DLGAP1: variants seen among roughly 807,000 people sequenced by gnomAD.
DLGAP1 encodes disks large-associated protein 1.
Under a neutral mutation model 90.8 loss-of-function variants are expected in DLGAP1, and 11 were observed. The ratio of observed to expected loss-of-function variants is 0.12; its 90% CI spans 0.08 to 0.20. The LOEUF is 0.20. DLGAP1 is among the 10% of genes least tolerant of loss of function. The pLI is 1.00. For missense variants in DLGAP1, 1,050 were observed against 1,333.8 expected, an observed-to-expected ratio of 0.79 and a Z score of 3.31; for synonymous variants, 558 against 540.7, an observed-to-expected ratio of 1.03 and a Z score of -0.44.
intron 3 of DLGAP1, among the ~76,000 whole-genome samples, chr18:3,988,886 T>A (rs2073903584): frequency 6.6e-6 from 1 of 152,214 alleles, no homozygotes; most frequent in Middle Eastern, 3.2e-3. Context: ...GTAAATGTGC[T>A]CAGACATTTC....
Position 3,879,082 on chromosome 18 carries a change from C to G in DLGAP1, c.957+30G>C. 1 of 1,475,340 alleles carries G rather than the reference C, an allele frequency of 6.8e-7. No individual in the cohort carries two copies. The highest frequency in any genetic ancestry group is 9.0e-7 in the Non-Finnish European group (1 of 1,112,060). The allele number at this position is 1,475,340 out of a possible 1,614,324, so 91.4% of individuals were successfully genotyped here. A position where few individuals can be genotyped will look rare whatever the true frequency, so the allele number is the denominator to read the frequency against. On this transcript the variant is annotated intron_variant, in intron 4 of 12. Coordinates refer to ENST00000315677, the MANE Select transcript of DLGAP1 (RefSeq NM_004746.4). This position sits in a 1 kb window ranked among gnomAD's most constrained non-coding sequence, Gnocchi z 6.6. ...CACACAAGCATGCCAGGTACTACTT[C>G]TAAGCCTCCATCATTGACAGAAATG... is the stretch of plus-strand genomic sequence containing the variant.
At chr18:3,794,604 G>A (rs1333097785) in intron 5 of DLGAP1, among the ~76,000 whole-genome samples, 1 of 152,222 alleles carries the variant, frequency 6.6e-6, no homozygotes, top group African/African-American at 2.4e-5. Context: ...GGGCTTTTGT[G>A]TGGGACAGGA....
chr18:4,019,173 G>A (rs2074569711), intron 2 of DLGAP1, among the ~76,000 whole-genome samples: 1 of 152,122 alleles, frequency 6.6e-6, no homozygotes, highest in South Asian at 2.1e-4. Flanking sequence ...GTCTGGGCAT[G>A]CTCATCTTGC....
Position 4,406,680 on chromosome 18 carries a change from T to C in DLGAP1, c.-267+48326A>G, listed in dbSNP as rs7228164. ...TTCTCTCTATACACTAGAATTCGAG[T>C]AGGATATTGGGAGTGGTTGTGTCAG... On this transcript the variant is annotated intron_variant, in intron 1 of 12. Coordinates refer to ENST00000315677, the MANE Select transcript of DLGAP1 (RefSeq NM_004746.4). 4.2e-3 allele frequency among the ~76,000 whole-genome samples: 645 copies of C among 152,074 alleles called. 4 individuals carry two copies. The highest frequency in any genetic ancestry group is 0.015 in the African/African-American group (618 of 41,472).
At chr18:3,619,109 C>T (rs2058001934) in intron 7 of DLGAP1, among the ~76,000 whole-genome samples, 1 of 152,112 alleles carries the variant, frequency 6.6e-6, no homozygotes, top group Admixed American at 6.6e-5. Context: ...GAAGAAACCA[C>T]CTTGCTGATA....
rs141678489 is a variant in DLGAP1 at position 3,875,023 on chromosome 18, T to C, written c.957+4089A>G. ...CCTAAATTAAGCGAATTCTAAGTGA[T>C]AATTCCGCAAAGAGAGAAGCAGAGC... On this transcript the variant is annotated intron_variant, in intron 4 of 12. Transcript: ENST00000315677. Among the ~76,000 whole-genome samples the C allele has an allele frequency of 3.4e-3, 524 of 152,342 alleles. 4 individuals are homozygous for C. The highest frequency in any genetic ancestry group is 0.012 in the African/African-American group (488 of 41,588).
At chr18:4,112,292 A>G (rs1418457670) in intron 2 of DLGAP1, among the ~76,000 whole-genome samples, 1 of 151,970 alleles carries the variant, frequency 6.6e-6, no homozygotes, top group African/African-American at 2.4e-5. Context: ...ATAATTTTTT[A>G]TTATTTTAAT....
chr18:3,772,512 T>C (rs961933829), intron 5 of DLGAP1, among the ~76,000 whole-genome samples: 14 of 145,412 alleles, frequency 9.6e-5, no homozygotes, highest in Admixed American at 2.1e-4. Flanking sequence ...GAGCTCCTTG[T>C]GTATTCTTTC....
chr18:3,869,648 T>G (rs939713313), intron 4 of DLGAP1, among the ~76,000 whole-genome samples: 1 of 152,220 alleles, frequency 6.6e-6, no homozygotes, highest in East Asian at 1.9e-4. Flanking sequence ...CAGTGAAATT[T>G]TACACCCACA....
At chr18:3,620,572 T>A (rs1032851367) in intron 7 of DLGAP1, among the ~76,000 whole-genome samples, 3 of 143,392 alleles carry the variant, frequency 2.1e-5, no homozygotes, top group East Asian at 2.1e-4. Flanking sequence ...TATTATTATT[T>A]TTGAGATGGA....
At chr18:4,267,106 T>C (rs1228452531) in intron 1 of DLGAP1, among the ~76,000 whole-genome samples, 1 of 152,216 alleles carries the variant, frequency 6.6e-6, no homozygotes, top group Non-Finnish European at 1.5e-5. Context: ...GTTTGGGACA[T>C]TTTATGACAA....
chr18:4,199,871 C>CA (rs1418307132), intron 1 of DLGAP1, among the ~76,000 whole-genome samples: 1 of 152,176 alleles, frequency 6.6e-6, no homozygotes, highest in Non-Finnish European at 1.5e-5. Context: ...AATTGAGCAG[C>CA]ATAGTGATAG....
At chr18:4,195,829 A>G (rs1386204787) in intron 1 of DLGAP1, among the ~76,000 whole-genome samples, 1 of 152,252 alleles carries the variant, frequency 6.6e-6, no homozygotes, top group Non-Finnish European at 1.5e-5. Flanking sequence ...CTGGGATTAC[A>G]GGCATGAGCC....
intron 2 of DLGAP1, among the ~76,000 whole-genome samples, chr18:4,115,414 T>A (rs139549324): frequency 1.3e-5 from 2 of 152,092 alleles, no homozygotes; most frequent in African/African-American, 4.8e-5. Flanking sequence ...TTAACCTTAT[T>A]ATATACTGTT....
chr18:4,093,558 C>G (rs1328321585), intron 2 of DLGAP1, among the ~76,000 whole-genome samples: 1 of 149,152 alleles, frequency 6.7e-6, no homozygotes, highest in Non-Finnish European at 1.5e-5. Flanking sequence ...AAAGTTAAAT[C>G]CAATCTCTGA....
At chr18:4,186,970 C>A (rs989340212) in intron 1 of DLGAP1, among the ~76,000 whole-genome samples, 1 of 151,948 alleles carries the variant, frequency 6.6e-6, no homozygotes, top group African/African-American at 2.4e-5. Flanking sequence ...CATTGTATCA[C>A]TCACACCTCG....
At chr18:4,126,672 C>T (rs1366959110) in intron 2 of DLGAP1, among the ~76,000 whole-genome samples, 1 of 152,124 alleles carries the variant, frequency 6.6e-6, no homozygotes, top group Non-Finnish European at 1.5e-5. Context: ...TGCTTAGCAT[C>T]ATAAAATGGC....
intron 2 of DLGAP1, among the ~76,000 whole-genome samples, chr18:4,030,916 C>A (rs1161936323): frequency 6.6e-6 from 1 of 152,194 alleles, no homozygotes; most frequent in Non-Finnish European, 1.5e-5. Flanking sequence ...GAGTAAGACA[C>A]AGTCTCAAAA....
In DLGAP1 at chr18:3,846,478, C is replaced by T. The variant is rs567111941; in HGVS notation, c.958-32205G>A. On this transcript the variant is annotated intron_variant, in intron 4 of 12. Transcript: ENST00000315677. ...ACCAGGAGAAATGAAAGCAAATGTC[C>T]ACACAAACACTTGTACACAAATGTT... Among the ~76,000 whole-genome samples, 8 of 152,248 alleles carry T rather than the reference C, an allele frequency of 5.3e-5. No homozygotes were observed. In the South Asian group the frequency reaches 1.7e-3, roughly 32 times the overall value.
Sources: gnomAD v4.1 joint callset for allele counts (sites outside exome capture counted in the v4.1 genomes callset) on GRCh38, gnomAD v4.1.1 for gene constraint, Gnocchi (gnomAD v3.1) non-coding constraint, MANE v1.5 for transcripts, NCBI Gene and HGNC (gene_info 2026-07-23, HGNC 2026-07-21) for gene names.